ELMO1: variants seen among roughly 807,000 people sequenced by gnomAD.
ELMO1 encodes the protein engulfment and cell motility protein 1.
In ELMO1, 26 loss-of-function variants were observed where a neutral mutation model predicts 98.9. That is an observed-to-expected ratio of 0.26 (90% CI 0.19 to 0.36). The LOEUF (loss-of-function observed/expected upper bound fraction) is 0.36, where lower values mean the gene tolerates loss of function less well. Ranked by LOEUF, ELMO1 falls within the 10% of genes least tolerant of loss-of-function variation. ELMO1 has a pLI of 1.00. For missense variants in ELMO1, 627 were observed against 935.2 expected (o/e 0.67, Z 4.30); for synonymous variants, 346 against 346.0 (o/e 1.00, Z 0.00).
intron 14 of ELMO1, 112 bp from the exon 15 acceptor site, chr7:37,096,839 G>T: frequency 1.0e-6 from 1 of 989,808 alleles, no homozygotes; most frequent in Non-Finnish European, 1.6e-6. Context: ...ATCCCCAAAC[G>T]AAGACTCTTG....
chr7:37,327,970 A>C (rs1014743958), intron 2 of ELMO1, among the ~76,000 whole-genome samples: 4 of 152,172 alleles, frequency 2.6e-5, no homozygotes, highest in African/African-American at 4.8e-5. Context: ...AGCCTTTCTA[A>C]TTATGATACA....
At chr7:37,148,553 A>C (rs1468201277) in intron 13 of ELMO1, among the ~76,000 whole-genome samples, 1 of 152,240 alleles carries the variant, frequency 6.6e-6, no homozygotes, top group African/African-American at 2.4e-5. Flanking sequence ...TTGATTCAAC[A>C]GTCAATACAA....
intron 1 of ELMO1, among the ~76,000 whole-genome samples, chr7:37,385,987 C>A (rs758906593): frequency 1.2e-4 from 19 of 152,184 alleles, no homozygotes; most frequent in Non-Finnish European, 2.4e-4. Flanking sequence ...AAGATCTAGG[C>A]CCCTCCTCAA....
intron 16 of ELMO1, among the ~76,000 whole-genome samples, chr7:37,007,536 G>A (rs1793228330): frequency 6.6e-6 from 1 of 152,098 alleles, no homozygotes; most frequent in Non-Finnish European, 1.5e-5. Flanking sequence ...CATTCCCTAG[G>A]CCAGCTCAGC....
chr7:37,131,144 C>T (rs1433785006), intron 14 of ELMO1, among the ~76,000 whole-genome samples: 22 of 151,924 alleles, frequency 1.4e-4, no homozygotes, highest in East Asian at 1.9e-4. Context: ...GCTCTACTAA[C>T]CCCATGCATT....
At chr7:37,054,017 T>C (rs919823799) in intron 15 of ELMO1, among the ~76,000 whole-genome samples, 1 of 152,192 alleles carries the variant, frequency 6.6e-6, no homozygotes, top group Non-Finnish European at 1.5e-5. Context: ...TTTATTCAGA[T>C]TATGGATTCA....
chr7:36,908,551 A>ATT (rs35626919), intron 16 of ELMO1, among the ~76,000 whole-genome samples: 6 of 146,314 alleles, frequency 4.1e-5, no homozygotes, highest in African/African-American at 1.0e-4. Context: ...AAGATTTGTT[A>ATT]TTTTTTTTTT....
chr7:37,264,280 CAT>C (rs1796133619), intron 5 of ELMO1, among the ~76,000 whole-genome samples: 1 of 150,016 alleles, frequency 6.7e-6, no homozygotes, highest in African/African-American at 2.5e-5. Context: ...AATGAATACA[CAT>C]ATATATATGA....
At chr7:36,915,959 G>C (rs540162865) in intron 16 of ELMO1, among the ~76,000 whole-genome samples, 2 of 152,334 alleles carry the variant, frequency 1.3e-5, no homozygotes, top group East Asian at 3.9e-4. Flanking sequence ...GGTCATCCTT[G>C]TGAGTGGAAA....
intron 13 of ELMO1, among the ~76,000 whole-genome samples, chr7:37,158,036 C>G (rs1788925823): frequency 2.0e-5 from 3 of 152,166 alleles, no homozygotes; most frequent in South Asian, 2.1e-4. Flanking sequence ...ACAAACCTGA[C>G]AAAAACAAGA....
At chr7:36,923,079 C>T (rs984289827) in intron 16 of ELMO1, among the ~76,000 whole-genome samples, 2 of 152,202 alleles carry the variant, frequency 1.3e-5, no homozygotes, top group African/African-American at 4.8e-5. Flanking sequence ...AGTTCCAGTA[C>T]CTGTCTCCAT....
chr7:36,997,921 C>G (rs941883636), intron 16 of ELMO1: 3 of 152,176 alleles, frequency 2.0e-5, no homozygotes, highest in African/African-American at 7.2e-5. Context: ...CTAAATGAAG[C>G]AATTGCAGCA....
intron 16 of ELMO1, among the ~76,000 whole-genome samples, chr7:36,935,110 G>A (rs963916348): frequency 3.3e-5 from 5 of 152,162 alleles, no homozygotes; most frequent in Admixed American, 2.0e-4. Context: ...TGCTGTGGAA[G>A]GGACCCAGTG....
chr7:36,928,243 C>T (rs1785737066), intron 16 of ELMO1, among the ~76,000 whole-genome samples: 1 of 152,200 alleles, frequency 6.6e-6, no homozygotes, highest in South Asian at 2.1e-4. Flanking sequence ...TCTCCTGCCA[C>T]CTGTACTTCT....
Position 37,159,025 on chromosome 7 carries a change from C to G in ELMO1, c.1087-25791G>C, listed in dbSNP as rs190792104. On this transcript the variant is annotated intron_variant, in intron 13 of 21. Coordinates refer to ENST00000310758, the MANE Select transcript of ELMO1 (RefSeq NM_014800.11). ...GCAGGGACATGGATGAAGCTGGAAA[C>G]CATCATTCTCAGCAAAATTATCACA... Among the ~76,000 whole-genome samples, 470 of 152,224 alleles carry G rather than the reference C, an allele frequency of 3.1e-3. 2 individuals are homozygous for G. Among genetic ancestry groups the G allele is most frequent in the Admixed American group, 6.3e-3 (96 of 15,292 alleles).
chr7:37,242,318 C>A lies in ELMO1; in HGVS notation c.449+2038G>T, dbSNP rs990830530. On this transcript the variant is annotated intron_variant, in intron 7 of 21. Transcript: ENST00000310758. Reference sequence around the variant, plus strand: ...CTGGTTATTTTTATGGTTTCAATTTCTCTATTAAGACTCCCCATCTGTGCA... The same window carrying A: ...CTGGTTATTTTTATGGTTTCAATTTATCTATTAAGACTCCCCATCTGTGCA... 1.2e-4 allele frequency among the ~76,000 whole-genome samples: 19 copies of A among 152,086 alleles called. 1 individual carries two copies. Among genetic ancestry groups the A allele is most frequent in the Admixed American group, 8.5e-4 (13 of 15,266 alleles).
rs1398048420 is a variant in ELMO1 at position 37,064,763 on chromosome 7, A to T, written c.1300+31856T>A. On this transcript the variant is annotated intron_variant, in intron 15 of 21. Coordinates refer to ENST00000310758, the MANE Select transcript of ELMO1 (RefSeq NM_014800.11). ...CCTATCTCCTTCCCCATCTGCAGAG[A>T]CTAGGCTCCATCAGTGTCTCCTCTC... Among the ~76,000 whole-genome samples the T allele has an allele frequency of 2.0e-5, 3 of 152,114 alleles. No individual in the cohort carries two copies. In the East Asian group the frequency reaches 5.8e-4, roughly 29 times the overall value.
At chr7:37,118,950 T>C (rs1785797758) in intron 14 of ELMO1, among the ~76,000 whole-genome samples, 1 of 152,334 alleles carries the variant, frequency 6.6e-6, no homozygotes, top group Non-Finnish European at 1.5e-5. Context: ...GCACACAGTA[T>C]GGACAATGGA....
At chr7:37,221,685 G>C (rs1793605199) in intron 10 of ELMO1, among the ~76,000 whole-genome samples, 1 of 148,102 alleles carries the variant, frequency 6.8e-6, no homozygotes, top group Non-Finnish European at 1.5e-5. Context: ...GTATATTAAG[G>C]GGTTCCTTCC....
Sources: allele counts gnomAD v4.1 joint callset (sites outside exome capture counted in the v4.1 genomes callset), GRCh38; gene constraint gnomAD v4.1.1; transcripts MANE v1.5; gene names NCBI Gene and HGNC (gene_info 2026-07-23, HGNC 2026-07-21).